Variants in ADAMTS3 observed in about 807,000 individuals in gnomAD.
The protein encoded by ADAMTS3 is ADAM metallopeptidase with thrombospondin type 1 motif 3.
In ADAMTS3, 73 loss-of-function variants were observed where a neutral mutation model predicts 129.0. The ratio of observed to expected loss-of-function variants is 0.57; its 90% CI spans 0.47 to 0.69. ADAMTS3 has a LOEUF of 0.69. Ranked by LOEUF, ADAMTS3 falls within the 30% of genes least tolerant of loss-of-function variation. The pLI is 0.00. For synonymous variants in ADAMTS3, 477 were observed against 510.8 expected, an observed-to-expected ratio of 0.93 and a Z score of 0.89; for missense variants, 1,457 against 1,514.5, an observed-to-expected ratio of 0.96 and a Z score of 0.63.
intron 3 of ADAMTS3, among the ~76,000 whole-genome samples, chr4:72,496,613 C>G (rs1408144454): frequency 6.6e-6 from 1 of 152,042 alleles, no homozygotes; most frequent in Non-Finnish European, 1.5e-5. Context: ...CCACCAGGAC[C>G]AATACAGCTT....
chr4:72,332,600 G>A (rs1392880556), intron 5 of ADAMTS3, among the ~76,000 whole-genome samples: 1 of 152,016 alleles, frequency 6.6e-6, no homozygotes, highest in Non-Finnish European at 1.5e-5. Flanking sequence ...TCTATTTACA[G>A]GGCCCTAAAA....
chr4:72,297,120 T>A (rs1455927222), intron 18 of ADAMTS3, among the ~76,000 whole-genome samples: 1 of 152,068 alleles, frequency 6.6e-6, no homozygotes, highest in Non-Finnish European at 1.5e-5. Flanking sequence ...CATTCATGCA[T>A]GCATTCAAGA....
At chr4:72,541,859 TTTTAG>T (rs1721336574) in intron 3 of ADAMTS3, among the ~76,000 whole-genome samples, 1 of 152,174 alleles carries the variant, frequency 6.6e-6, no homozygotes, top group Admixed American at 6.5e-5. Context: ...ATTAACCCAG[TTTTAG>T]TTATTTCTTC....
rs1438416984 is a variant in ADAMTS3 at position 72,562,916 on chromosome 4, T to C, written c.97+4458A>G. Among the ~76,000 whole-genome samples the C allele has an allele frequency of 2.6e-5, 4 of 152,138 alleles. No individual in the cohort carries two copies. In the East Asian group the frequency reaches 7.7e-4, roughly 29 times the overall value. On this transcript the variant is annotated intron_variant, in intron 2 of 21. Transcript: ENST00000286657. ...CATTAAAGTTCCATTGAAGTCATCA[T>C]TGTCAATATATCCTTTCCAAGCACA...
intron 3 of ADAMTS3, among the ~76,000 whole-genome samples, chr4:72,530,328 TTAATA>T (rs1474790895): frequency 3.6e-5 from 3 of 84,100 alleles, no homozygotes; most frequent in Admixed American, 2.3e-4. Flanking sequence ...TTCATATATG[TTAATA>T]TAATATATAA....
intron 15 of ADAMTS3, among the ~76,000 whole-genome samples, chr4:72,308,929 T>C (rs1466703668): frequency 1.3e-5 from 2 of 151,998 alleles, no homozygotes; most frequent in Non-Finnish European, 2.9e-5. Context: ...CCAAGATTCC[T>C]AGATTTATAA....
intron 3 of ADAMTS3, among the ~76,000 whole-genome samples, chr4:72,498,107 G>A (rs577491113): frequency 6.6e-6 from 1 of 152,114 alleles, no homozygotes; most frequent in East Asian, 1.9e-4. Flanking sequence ...ATAACTAAGT[G>A]TTTTCCGTAT....
At chr4:72,564,225 C>T (rs949714315) in intron 2 of ADAMTS3, among the ~76,000 whole-genome samples, 4 of 152,102 alleles carry the variant, frequency 2.6e-5, no homozygotes, top group Non-Finnish European at 5.9e-5. Context: ...TCAAATGATA[C>T]TCAAGCAATC....
intron 2 of ADAMTS3, among the ~76,000 whole-genome samples, chr4:72,562,345 T>TA (rs567514710): frequency 1.1e-3 from 163 of 152,340 alleles, no homozygotes; most frequent in African/African-American, 3.7e-3. Flanking sequence ...AATTTGTTTT[T>TA]ACTCAGTAAC....
chr4:72,388,164 C>A (rs1194606589), intron 4 of ADAMTS3, among the ~76,000 whole-genome samples: 1 of 152,190 alleles, frequency 6.6e-6, no homozygotes, highest in Non-Finnish European at 1.5e-5. Context: ...TGCCATGTGA[C>A]AGACACAACC....
At position 72,283,281 on chromosome 4, in the gene ADAMTS3, AG is replaced by A; in HGVS notation, c.3472del (p.Leu1158SerfsTer19). On this transcript the variant is annotated frameshift_variant, in exon 22 of 22. Coordinates refer to ENST00000286657, the MANE Select transcript of ADAMTS3 (RefSeq NM_014243.3). LOFTEE classifies it high-confidence loss of function. ...AGCAGCCATTTGTGAAGCTGAACTG[AG>A]GTGGACCCTCTTGGTGGGTGGGGAG... Reference protein sequence around the residue: ...PSSPPTKRVHLSSASQMAAAS... With the variant: ...PSSPPTKRVHXSSASQMAAAS... 6.2e-7 allele frequency: 1 copy of A among 1,614,016 alleles called. No individual in the cohort carries two copies. Among genetic ancestry groups the A allele is most frequent in the Non-Finnish European group, 8.5e-7 (1 of 1,179,942 alleles).
intron 3 of ADAMTS3, among the ~76,000 whole-genome samples, chr4:72,439,404 A>G (rs1353517575): frequency 6.6e-6 from 1 of 151,622 alleles, no homozygotes; most frequent in African/African-American, 2.4e-5. Context: ...TCCCTCCAAC[A>G]CCTTTATTTC....
At chr4:72,527,840 T>A (rs954725567) in intron 3 of ADAMTS3, among the ~76,000 whole-genome samples, 1 of 152,128 alleles carries the variant, frequency 6.6e-6, no homozygotes, top group African/African-American at 2.4e-5. Flanking sequence ...AGAGGAAGAA[T>A]TCATCCAACT....
In ADAMTS3 at chr4:72,568,812, CAAA is replaced by C; in HGVS notation, c.-53_-51del. The C allele has an allele frequency of 7.6e-7, 1 of 1,310,602 alleles. No homozygotes were observed. Among genetic ancestry groups the C allele is most frequent in the Non-Finnish European group, 1.1e-6 (1 of 939,620 alleles). The allele number at this position is 1,310,602 out of a possible 1,614,324, so 81.2% of individuals were successfully genotyped here. On this transcript the variant is annotated 5_prime_UTR_variant, in exon 1 of 22. Coordinates refer to ENST00000286657, the MANE Select transcript of ADAMTS3 (RefSeq NM_014243.3). The stretch of plus-strand genomic sequence containing the variant: ...TACTGGGCAAAGCAAATGCCCAGAG[CAAA>C]CCCACCCCCCCCGCCCAAAATAAGT...
intron 3 of ADAMTS3, among the ~76,000 whole-genome samples, chr4:72,445,519 A>T (rs1422119306): frequency 2.0e-5 from 3 of 151,718 alleles, no homozygotes; most frequent in Non-Finnish European, 4.4e-5. Context: ...AGTAAAATAG[A>T]AGGAACTTTT....
rs1241380601 is a variant in ADAMTS3, at chr4:72,455,391, A to G, written c.505-40420T>C. Among the ~76,000 whole-genome samples the G allele has an allele frequency of 2.6e-5, 4 of 151,436 alleles. No homozygotes were observed. The East Asian group carries it at 7.8e-4, about 30-fold the overall frequency. On this transcript the variant is annotated intron_variant, in intron 3 of 21. Transcript: ENST00000286657. ...ACACAGGAACAGAAAACCAAACACC[A>G]CATGTTCTCACTGGTATGTGGGAGT...
intron 4 of ADAMTS3, among the ~76,000 whole-genome samples, chr4:72,408,754 T>C (rs1019598199): frequency 2.7e-5 from 4 of 149,478 alleles, no homozygotes; most frequent in Non-Finnish European, 5.9e-5. Context: ...TGGAATACTA[T>C]GCAGCCATAA....
intron 3 of ADAMTS3, among the ~76,000 whole-genome samples, chr4:72,540,646 T>C (rs1403465484): frequency 6.6e-6 from 1 of 152,160 alleles, no homozygotes; most frequent in Non-Finnish European, 1.5e-5. Context: ...AGGCCCAGCG[T>C]TGTCATGCTG....
At chr4:72,288,729 A>G (rs757230580) in intron 21 of ADAMTS3, 22 bp downstream of exon 21, 1 of 1,443,480 alleles carries the variant, frequency 6.9e-7, no homozygotes, top group Non-Finnish European at 9.8e-7. Flanking sequence ...AGAGCAGTGA[A>G]GTCAATTGGT....
Sources: allele counts gnomAD v4.1 joint callset (sites outside exome capture counted in the v4.1 genomes callset), GRCh38; gene constraint gnomAD v4.1.1; transcripts MANE v1.5; gene names NCBI Gene and HGNC (gene_info 2026-07-23, HGNC 2026-07-21).